ULK4: variants seen among roughly 807,000 people sequenced by gnomAD.
ULK4 encodes the protein inactive serine/threonine-protein kinase ULK4.
A neutral mutation model predicts 160.6 loss-of-function variants in ULK4; 133 were observed. The observed-to-expected ratio is 0.83, with a 90% confidence interval of 0.72 to 0.96. The LOEUF is 0.96. ULK4 is among the 40% of genes least tolerant of loss of function. The pLI is 0.00. For missense variants in ULK4, 1,580 were observed against 1,499.5 expected (o/e 1.05, Z -0.89); for synonymous variants, 534 against 539.8 (o/e 0.99, Z 0.15).
intron 17 of ULK4, among the ~76,000 whole-genome samples, chr3:41,840,282 A>G (rs2041870964): frequency 6.6e-6 from 1 of 152,172 alleles, no homozygotes; most frequent in Admixed American, 6.5e-5. Flanking sequence ...AATTTTAAAA[A>G]AAGAGTTAGC....
intron 34 of ULK4, among the ~76,000 whole-genome samples, chr3:41,454,539 C>CAAAA (rs11286615): frequency 2.2e-5 from 2 of 90,944 alleles, no homozygotes; most frequent in Admixed American, 2.4e-4. Context: ...GACTTCATCT[C>CAAAA]AAAAAAAAAA....
At chr3:41,857,039 A>C (rs940623311) in intron 17 of ULK4, among the ~76,000 whole-genome samples, 1 of 152,178 alleles carries the variant, frequency 6.6e-6, no homozygotes, top group Non-Finnish European at 1.5e-5. Context: ...TCAGAAACAC[A>C]GGGCTTTGTG....
intron 17 of ULK4, among the ~76,000 whole-genome samples, chr3:41,869,324 C>T (rs180761283): frequency 3.3e-5 from 5 of 152,236 alleles, no homozygotes; most frequent in Admixed American, 6.5e-5. Context: ...CCTATAATCC[C>T]GGCACTTTGG....
intron 35 of ULK4, among the ~76,000 whole-genome samples, chr3:41,260,807 G>T (rs2078925577): frequency 6.6e-6 from 1 of 152,202 alleles, no homozygotes; most frequent in African/African-American, 2.4e-5. Flanking sequence ...TAAACACCTG[G>T]AACAGTACTG....
chr3:41,354,103 C>T (rs1457234989), intron 35 of ULK4, among the ~76,000 whole-genome samples: 1 of 152,160 alleles, frequency 6.6e-6, no homozygotes, highest in Non-Finnish European at 1.5e-5. Context: ...AAACTCATCC[C>T]AGAAGTCACA....
intron 35 of ULK4, among the ~76,000 whole-genome samples, chr3:41,284,344 TTCCTA>T (rs1348504100): frequency 6.6e-6 from 1 of 151,984 alleles, no homozygotes; most frequent in Non-Finnish European, 1.5e-5. Flanking sequence ...ATTTCACACT[TTCCTA>T]TAAGGCCATA....
intron 30 of ULK4, among the ~76,000 whole-genome samples, chr3:41,617,882 G>A (rs1201526035): frequency 6.6e-6 from 1 of 152,100 alleles, no homozygotes; most frequent in Non-Finnish European, 1.5e-5. Flanking sequence ...TTAATAAAAG[G>A]TTACAGGAAC....
chr3:41,904,822 A>C (rs1356214084), intron 12 of ULK4, among the ~76,000 whole-genome samples: 1 of 152,232 alleles, frequency 6.6e-6, no homozygotes, highest in African/African-American at 2.4e-5. Flanking sequence ...TGCATTCAAC[A>C]CAACTATGAT....
intron 21 of ULK4, among the ~76,000 whole-genome samples, chr3:41,783,501 G>A (rs1415763300): frequency 4.0e-5 from 6 of 150,450 alleles, no homozygotes; most frequent in East Asian, 2.0e-4. Context: ...ATGCCACTAC[G>A]CTCCAGCCTA....
intron 34 of ULK4, among the ~76,000 whole-genome samples, chr3:41,440,039 T>C (rs917351869): frequency 1.3e-5 from 2 of 152,236 alleles, no homozygotes; most frequent in African/African-American, 2.4e-5. Flanking sequence ...TTTTTGCATA[T>C]TGATTTTGTT....
At chr3:41,456,060 C>A (rs1359578806) in intron 33 of ULK4, among the ~76,000 whole-genome samples, 1 of 152,154 alleles carries the variant, frequency 6.6e-6, no homozygotes, top group Non-Finnish European at 1.5e-5. Context: ...CAGGCTCTTG[C>A]CACCACACCT....
At chr3:41,951,013 G>A (rs530322442) in intron 2 of ULK4, among the ~76,000 whole-genome samples, 18 of 151,634 alleles carry the variant, frequency 1.2e-4, no homozygotes, top group East Asian at 1.2e-3. Flanking sequence ...GCATGGTGGC[G>A]GGCGCCTGTA....
At chr3:41,610,869 C>T (rs1575481264) in intron 31 of ULK4, among the ~76,000 whole-genome samples, 1 of 152,176 alleles carries the variant, frequency 6.6e-6, no homozygotes, top group African/African-American at 2.4e-5. Flanking sequence ...ACAGAGGTTA[C>T]CTATATTACT....
intron 35 of ULK4, among the ~76,000 whole-genome samples, chr3:41,315,710 G>A (rs2080132270): frequency 6.6e-6 from 1 of 152,150 alleles, no homozygotes; most frequent in African/African-American, 2.4e-5. Context: ...TCAGTTCCCA[G>A]TGGTGGGGAA....
chr3:41,829,598 C>T (rs920055710), intron 18 of ULK4, among the ~76,000 whole-genome samples: 3 of 152,070 alleles, frequency 2.0e-5, no homozygotes, highest in African/African-American at 7.2e-5. Context: ...CAATGAGATA[C>T]CATCTCACAC....
chr3:41,455,496 C>A lies in ULK4; in HGVS notation c.3492+1G>T. On this transcript the variant is annotated splice_donor_variant, in intron 34 of 36. Coordinates refer to ENST00000301831, the MANE Select transcript of ULK4 (RefSeq NM_017886.4). LOFTEE classifies it high-confidence loss of function. ...CAAAAGACATACAGGTGAGCTCTTACCAGTGGAATGAGCAGGCTAATCAGG... is the reference window on the plus strand; with the variant it reads ...CAAAAGACATACAGGTGAGCTCTTAACAGTGGAATGAGCAGGCTAATCAGG... 6.2e-7 allele frequency: 1 copy of A among 1,613,794 alleles called. No homozygotes were observed. Among genetic ancestry groups the A allele is most frequent in the African/African-American group, 1.3e-5 (1 of 75,028 alleles).
At chr3:41,959,870 A>G (rs187564197) in intron 1 of ULK4, among the ~76,000 whole-genome samples, 1 of 152,348 alleles carries the variant, frequency 6.6e-6, no homozygotes, top group Admixed American at 6.5e-5. Flanking sequence ...GTATGTTAAG[A>G]TGGGAAGTTA....
At chr3:41,713,042 A>G (rs983983229) in intron 25 of ULK4, among the ~76,000 whole-genome samples, 1 of 152,082 alleles carries the variant, frequency 6.6e-6, no homozygotes, top group Non-Finnish European at 1.5e-5. Flanking sequence ...ATTGGGCTAC[A>G]GAACGTTCAT....
At chr3:41,257,552 G>A (rs2078856296) in intron 35 of ULK4, among the ~76,000 whole-genome samples, 1 of 151,568 alleles carries the variant, frequency 6.6e-6, no homozygotes, top group Non-Finnish European at 1.5e-5. Context: ...AGTATCGCTT[G>A]AGCCTGGGAG....
Sources: gnomAD v4.1 joint callset for allele counts (sites outside exome capture counted in the v4.1 genomes callset) on GRCh38, gnomAD v4.1.1 for gene constraint, MANE v1.5 for transcripts, NCBI Gene and HGNC (gene_info 2026-07-23, HGNC 2026-07-21) for gene names.